The following LIPC variants were observed in gnomAD, a reference collection of about 807,000 sequenced individuals.
The protein encoded by LIPC is lipase C, hepatic type, also known as hepatic triacylglycerol lipase.
A neutral mutation model predicts 50.7 loss-of-function variants in LIPC; 44 were observed. That is an observed-to-expected ratio of 0.87 (90% CI 0.68 to 1.11). The LOEUF (loss-of-function observed/expected upper bound fraction) is 1.11. LIPC is among the 50% of genes most tolerant of loss of function. LIPC has a pLI of 0.00. For missense variants in LIPC, 697 were observed against 648.2 expected (o/e 1.08, Z -0.82); for synonymous variants, 271 against 256.4 (o/e 1.06, Z -0.54).
chr15:58,477,666 C>T (rs1205681124), intron 1 of LIPC, among the ~76,000 whole-genome samples: 2 of 152,094 alleles, frequency 1.3e-5, no homozygotes, highest in Non-Finnish European at 2.9e-5. Flanking sequence ...ATTGGAAGCT[C>T]CCCCAGTGTC....
At chr15:58,452,660 T>C (rs967635847) in intron 1 of LIPC, among the ~76,000 whole-genome samples, 12 of 131,412 alleles carry the variant, frequency 9.1e-5, no homozygotes, top group Non-Finnish European at 1.6e-4. Context: ...GAATCTGCAG[T>C]GGGGAGGGGA....
chr15:58,471,134 C>CTTTTTT (rs34225435), intron 1 of LIPC, among the ~76,000 whole-genome samples: 2 of 114,650 alleles, frequency 1.7e-5, no homozygotes, highest in African/African-American at 3.4e-5. Flanking sequence ...TTTCTTTTCT[C>CTTTTTT]TTTTTTTTTT....
At chr15:58,463,950 C>T (rs10518977) in intron 1 of LIPC, among the ~76,000 whole-genome samples, 4,428 of 152,186 alleles carry the variant, frequency 0.029, 69 homozygotes, top group African/African-American at 0.038. Context: ...CAGATAGTTA[C>T]ATTGATACAA....
At chr15:58,536,652 T>C (rs574354730) in intron 1 of LIPC, among the ~76,000 whole-genome samples, 6 of 152,250 alleles carry the variant, frequency 3.9e-5, no homozygotes, top group African/African-American at 1.4e-4. Context: ...GGAAGCAGGC[T>C]TCCAGGAGTG....
chr15:58,498,053 G>C (rs1170856039), intron 1 of LIPC, among the ~76,000 whole-genome samples: 2 of 152,082 alleles, frequency 1.3e-5, no homozygotes, highest in African/African-American at 4.8e-5. Flanking sequence ...GCACACACTA[G>C]GTGTTTAATA....
At chr15:58,471,328 T>TGCGG (rs1555399294) in intron 1 of LIPC, among the ~76,000 whole-genome samples, 4,215 of 114,136 alleles carry the variant, frequency 0.037, 168 homozygotes, top group South Asian at 0.09. Flanking sequence ...TTAGTAGAGA[T>TGCGG]GGGGGGGGGT....
At chr15:58,551,704 C>T (rs1167834138) in intron 6 of LIPC, among the ~76,000 whole-genome samples, 1 of 152,194 alleles carries the variant, frequency 6.6e-6, no homozygotes, top group Non-Finnish European at 1.5e-5. Context: ...CTTAAAAGAG[C>T]AGACTTGCCC....
intron 1 of LIPC, among the ~76,000 whole-genome samples, chr15:58,487,222 C>T (rs1203402619): frequency 3.3e-5 from 5 of 152,254 alleles, no homozygotes; most frequent in Middle Eastern, 6.8e-3. Context: ...GTCCCAGCTG[C>T]GCCACTTCAT....
intron 1 of LIPC, among the ~76,000 whole-genome samples, chr15:58,434,645 C>T (rs1455469734): frequency 1.3e-5 from 2 of 152,228 alleles, no homozygotes; most frequent in African/African-American, 4.8e-5. Flanking sequence ...GTTGTTCCTG[C>T]CCTTCAGCAC....
chr15:58,557,085 C>T (rs1893978347), intron 6 of LIPC, among the ~76,000 whole-genome samples: 1 of 152,086 alleles, frequency 6.6e-6, no homozygotes, highest in South Asian at 2.1e-4. Context: ...TTCCACAATT[C>T]AACTTTTTCC....
rs112313480 is a variant in LIPC at position 58,538,026 on chromosome 15, G to A, written c.89-307G>A. ...ATTTGGGGTGAGGTGCTTATCCACC[G>A]AGCCTCCAAAACTGCCTTGCCTATA... On this transcript the variant is annotated intron_variant, in intron 1 of 8. Transcript: ENST00000299022. Among the ~76,000 whole-genome samples, 1,261 of 152,240 alleles carry A rather than the reference G, an allele frequency of 8.3e-3. 20 individuals carry two copies. Among genetic ancestry groups the A allele is most frequent in the African/African-American group, 0.027 (1,141 of 41,524 alleles).
chr15:58,432,120 G>A lies in LIPC; in HGVS notation c.88G>A (p.Glu30Lys). The A allele has an allele frequency of 1.2e-6, 2 of 1,608,994 alleles. No homozygotes were observed. ...SSALGQSLKP[E>K]PFGRRAQAVE... ...TGCCCTTGGACAAAGCCTGAAACCA[G>A]GTAAGAGCCTGACTTTTCTCCAGAG... Residue 30 changes from glutamate (E) to lysine (K), a missense_variant and splice_region_variant, in exon 1 of 9, where the codon GAG becomes AAG. By Grantham distance (56) the Glu-to-Lys change is moderately conservative (BLOSUM62 1). Coordinates refer to ENST00000299022, the MANE Select transcript of LIPC (RefSeq NM_000236.3).
chr15:58,500,092 C>T (rs1244772221), intron 1 of LIPC, among the ~76,000 whole-genome samples: 5 of 152,076 alleles, frequency 3.3e-5, no homozygotes, highest in South Asian at 2.1e-4. Flanking sequence ...CCAACTGAAA[C>T]GTAAGGATCC....
At chr15:58,476,200 T>C (rs1890992709) in intron 1 of LIPC, among the ~76,000 whole-genome samples, 1 of 152,222 alleles carries the variant, frequency 6.6e-6, no homozygotes, top group African/African-American at 2.4e-5. Context: ...CCATCCCCAG[T>C]CCATCTGCTC....
At chr15:58,561,425 G>C (rs1894158087) in intron 7 of LIPC, among the ~76,000 whole-genome samples, 1 of 24,874 alleles carries the variant, frequency 4.0e-5, no homozygotes, top group African/African-American at 8.0e-5. Flanking sequence ...CAATAGAAGA[G>C]AGTGTCGGGA....
chr15:58,540,031 G>A (rs2227300), intron 2 of LIPC, among the ~76,000 whole-genome samples: 2,941 of 152,240 alleles, frequency 0.019, 90 homozygotes, highest in African/African-American at 0.067. Flanking sequence ...TCTCTGCTCT[G>A]CTAGGCCGTA....
intron 1 of LIPC, among the ~76,000 whole-genome samples, chr15:58,521,155 C>G (rs1214518827): frequency 6.6e-6 from 1 of 152,258 alleles, no homozygotes; most frequent in East Asian, 1.9e-4. Flanking sequence ...TAAAGCAGAG[C>G]AGGCCCCTGC....
chr15:58,530,866 A>T (rs549760174), intron 1 of LIPC, among the ~76,000 whole-genome samples: 1 of 152,226 alleles, frequency 6.6e-6, no homozygotes. Flanking sequence ...GCTGAGTAGT[A>T]TTCCATTGGA....
At chr15:58,434,949 C>T (rs543347678) in intron 1 of LIPC, 8 of 152,314 alleles carry the variant, frequency 5.3e-5, no homozygotes, top group Admixed American at 3.3e-4. Flanking sequence ...CCATACGTAA[C>T]GCAGTGCCTG....
Sources: gnomAD v4.1 joint callset for allele counts (sites outside exome capture counted in the v4.1 genomes callset) on GRCh38, gnomAD v4.1.1 for gene constraint, MANE v1.5 for transcripts, NCBI Gene and HGNC (gene_info 2026-07-23, HGNC 2026-07-21) for gene names.